Variants in MINDY3 observed in about 807,000 individuals in gnomAD.
MINDY3 encodes MINDY lysine 48 deubiquitinase 3, also known as ubiquitin carboxyl-terminal hydrolase MINDY-3.
MINDY3 carries 38 observed loss-of-function variants against 69.2 expected under a neutral mutation model. The ratio of observed to expected loss-of-function variants is 0.55; its 90% CI spans 0.42 to 0.72. The LOEUF (loss-of-function observed/expected upper bound fraction) is 0.72. Among genes scored for constraint, MINDY3 ranks in the 30% least tolerant of loss-of-function variants. MINDY3 has a pLI of 0.00. For synonymous variants in MINDY3, 192 were observed against 180.1 expected (o/e 1.07, Z -0.53); for missense variants, 522 against 519.0 (o/e 1.01, Z -0.06).
At chr10:15,836,059 A>C (rs1833060297) in intron 6 of MINDY3, among the ~76,000 whole-genome samples, 1 of 152,072 alleles carries the variant, frequency 6.6e-6, no homozygotes, top group South Asian at 2.1e-4. Flanking sequence ...CTCTTTGTAC[A>C]GTGTACATAG....
chr10:15,829,330 C>A (rs1840302569), intron 8 of MINDY3, among the ~76,000 whole-genome samples: 1 of 152,140 alleles, frequency 6.6e-6, no homozygotes, highest in African/African-American at 2.4e-5. Context: ...TGGTTCTTAA[C>A]CCTGACTACA....
At chr10:15,816,373 T>C (rs1458175553) in intron 10 of MINDY3, among the ~76,000 whole-genome samples, 1 of 151,970 alleles carries the variant, frequency 6.6e-6, no homozygotes, top group Non-Finnish European at 1.5e-5. Context: ...ATTAAAATTG[T>C]GGGAAGTATT....
chr10:15,799,301 G>T (rs1302591158), intron 10 of MINDY3, among the ~76,000 whole-genome samples: 1 of 151,978 alleles, frequency 6.6e-6, no homozygotes, highest in African/African-American at 2.4e-5. Flanking sequence ...CCAGGTTCAA[G>T]CAAATCTCTG....
intron 1 of MINDY3, among the ~76,000 whole-genome samples, chr10:15,848,645 AAAAAAAAAAAAAAAAAAGAAAG>A (rs1834034400): frequency 2.2e-5 from 3 of 136,528 alleles, no homozygotes; most frequent in African/African-American, 8.0e-5. Context: ...AAAAAAAAAA[AAAAAAAAAAAAAAAAAAGAAAG>A]AAAAATTAAA....
At chr10:15,852,125 C>T (rs1050551998) in intron 1 of MINDY3, among the ~76,000 whole-genome samples, 1 of 152,186 alleles carries the variant, frequency 6.6e-6, no homozygotes, top group African/African-American at 2.4e-5. Context: ...CCTAGCACAA[C>T]CAGTACTTAC....
intron 12 of MINDY3, among the ~76,000 whole-genome samples, chr10:15,788,238 G>T (rs1364558063): frequency 1.3e-5 from 2 of 151,960 alleles, no homozygotes; most frequent in Non-Finnish European, 2.9e-5. Flanking sequence ...ACCATTTGTT[G>T]GACTAGTTCA....
chr10:15,815,930 G>A (rs538947155), intron 10 of MINDY3, among the ~76,000 whole-genome samples: 1 of 152,254 alleles, frequency 6.6e-6, no homozygotes, highest in East Asian at 1.9e-4. Flanking sequence ...GATTATAGTT[G>A]AGATTTAAAA....
intron 6 of MINDY3, 23 bp from the exon 7 acceptor site, chr10:15,834,639 C>A: frequency 6.4e-7 from 1 of 1,556,780 alleles, no homozygotes; most frequent in Non-Finnish European, 8.8e-7. Context: ...AATTCATTGA[C>A]TTATTTTAAA....
intron 10 of MINDY3, among the ~76,000 whole-genome samples, chr10:15,814,226 T>TAAAA (rs1262171656): frequency 1.3e-5 from 2 of 152,102 alleles, no homozygotes; most frequent in Admixed American, 6.6e-5. Flanking sequence ...TAGGTGAACT[T>TAAAA]CCAGCTTTGT....
At chr10:15,851,790 C>T (rs1329282572) in intron 1 of MINDY3, among the ~76,000 whole-genome samples, 2 of 152,084 alleles carry the variant, frequency 1.3e-5, no homozygotes, top group Non-Finnish European at 2.9e-5. Flanking sequence ...TTTGACACAG[C>T]CTGCTTAAAA....
rs192680058 is a variant in MINDY3 at position 15,784,629 on chromosome 10, C to T, written c.1116+1932G>A. On this transcript the variant is annotated intron_variant, in intron 13 of 14. Transcript: ENST00000277632. ...GCCACCATATGTAGTCCCAGCTACA[C>T]AGGAGGCTGAGGCAGGAGAATTGCT... Among the ~76,000 whole-genome samples, 6 of 152,232 alleles carry T rather than the reference C, an allele frequency of 3.9e-5. No individual in the cohort carries two copies. The East Asian group carries it at 1.2e-3, about 29-fold the overall frequency.
At chr10:15,810,180 G>A (rs1452816327) in intron 10 of MINDY3, among the ~76,000 whole-genome samples, 2 of 152,082 alleles carry the variant, frequency 1.3e-5, no homozygotes, top group Non-Finnish European at 2.9e-5. Context: ...AGTTCATTAA[G>A]TAAATACTTT....
At position 15,784,315 on chromosome 10, in the gene MINDY3, C is replaced by T. The variant is rs116097755; in HGVS notation, c.1117-2089G>A. Among the ~76,000 whole-genome samples the T allele has an allele frequency of 2.0e-3, 306 of 152,260 alleles. 1 individual carries two copies. The highest frequency in any genetic ancestry group is 7.2e-3 in the African/African-American group (298 of 41,552). On this transcript the variant is annotated intron_variant, in intron 13 of 14. Transcript: ENST00000277632. ...TACCACTTTTTTCTTCCTGCATCAG[C>T]CTCTACATCATAGCAAATAAGTGTT... is the stretch of plus-strand genomic sequence containing the variant.
intron 8 of MINDY3, among the ~76,000 whole-genome samples, chr10:15,827,969 C>G (rs1404063365): frequency 6.6e-6 from 1 of 152,162 alleles, no homozygotes; most frequent in Non-Finnish European, 1.5e-5. Flanking sequence ...TATACTTTTA[C>G]CAGTTGATAA....
chr10:15,788,630 G>A (rs540961268), intron 12 of MINDY3, among the ~76,000 whole-genome samples: 1 of 152,196 alleles, frequency 6.6e-6, no homozygotes, highest in East Asian at 1.9e-4. Flanking sequence ...CTTAAGAAGA[G>A]TTATTTTTTC....
In MINDY3 at chr10:15,841,989, T is replaced by C. The variant is rs185124977; in HGVS notation, c.236-390A>G. Among the ~76,000 whole-genome samples, 98 of 151,816 alleles carry C rather than the reference T, an allele frequency of 6.5e-4. 3 individuals carry two copies. In the East Asian group the frequency reaches 0.011, roughly 17 times the overall value. Reference sequence around the variant, plus strand: ...GGCCTGTTGAAACCTCTATTTTTTTTCCCTCACATCTGAATTAATCTAACG... The same window carrying C: ...GGCCTGTTGAAACCTCTATTTTTTTCCCCTCACATCTGAATTAATCTAACG... On this transcript the variant is annotated intron_variant, in intron 3 of 14. Transcript: ENST00000277632.
At chr10:15,849,448 T>C (rs1240982700) in intron 1 of MINDY3, among the ~76,000 whole-genome samples, 1 of 148,334 alleles carries the variant, frequency 6.7e-6, no homozygotes, top group Admixed American at 6.8e-5. Flanking sequence ...TCTTACTGGT[T>C]TTTTTTTTTT....
intron 2 of MINDY3, among the ~76,000 whole-genome samples, chr10:15,844,239 G>T (rs1014431853): frequency 6.6e-6 from 1 of 152,088 alleles, no homozygotes; most frequent in Non-Finnish European, 1.5e-5. Context: ...CATTTACATA[G>T]GCATAAAGTC....
chr10:15,827,431 C>T (rs1312521109), intron 8 of MINDY3, among the ~76,000 whole-genome samples: 1 of 151,836 alleles, frequency 6.6e-6, no homozygotes, highest in Admixed American at 6.6e-5. Context: ...ATCCCAGCTA[C>T]TCGGGAGGCT....
Sources: allele counts gnomAD v4.1 joint callset (sites outside exome capture counted in the v4.1 genomes callset), GRCh38; gene constraint gnomAD v4.1.1; transcripts MANE v1.5; gene names NCBI Gene and HGNC (gene_info 2026-07-23, HGNC 2026-07-21).